SIRPB1: variants seen among roughly 807,000 people sequenced by gnomAD.
SIRPB1 encodes the protein signal-regulatory protein beta-1.
SIRPB1 carries 28 observed loss-of-function variants against 34.1 expected under a neutral mutation model. That is an observed-to-expected ratio of 0.82 (90% CI 0.61 to 1.12). SIRPB1 has a LOEUF of 1.12. Among genes scored for constraint, SIRPB1 ranks in the 50% most tolerant of loss-of-function variants. The probability of loss-of-function intolerance (pLI) is 0.00; values close to 1 mark genes in which losing one functional copy is unlikely to be tolerated. For synonymous variants in SIRPB1, 211 were observed against 203.8 expected (o/e 1.04, Z -0.30); for missense variants, 499 against 507.0 (o/e 0.98, Z 0.15).
At chr20:1,568,984 A>G (rs2091184120) in intron 4 of SIRPB1, among the ~76,000 whole-genome samples, 1 of 152,244 alleles carries the variant, frequency 6.6e-6, no homozygotes. Context: ...CATTTTTAGT[A>G]TCAGGATGAA....
Position 1,565,388 on chromosome 20 carries a change from A to T in SIRPB1, c.*112T>A, listed in dbSNP as rs1308968225. 1.4e-5 allele frequency: 3 copies of T among 207,572 alleles called. No homozygotes were observed. The highest frequency in any genetic ancestry group is 2.9e-5 in the Non-Finnish European group (3 of 105,104). 12.9% of individuals were successfully genotyped at this position (207,572 alleles called of 1,614,324 possible). A position where few individuals can be genotyped will look rare whatever the true frequency, so the allele number is the denominator to read the frequency against. On this transcript the variant is annotated 3_prime_UTR_variant, in exon 6 of 6. Transcript: ENST00000381605. ...GGAACAGGAGCGTGTGGGCAGGCAG[A>T]TGACCTGGGAGAGGAGGCGTTTGGA...
chr20:1,592,131 C>A lies in SIRPB1; in HGVS notation c.77-13437G>T, dbSNP rs1398226665. On this transcript the variant is annotated intron_variant, in intron 1 of 5. Coordinates refer to ENST00000381605, the MANE Select transcript of SIRPB1 (RefSeq NM_006065.5). ...ATGCAGAACTGTGAGTCAATTACACCTCTTTTATTTATAAATTACCCAGTC... is the reference window on the plus strand; with the variant it reads ...ATGCAGAACTGTGAGTCAATTACACATCTTTTATTTATAAATTACCCAGTC... Among the ~76,000 whole-genome samples the A allele has an allele frequency of 8.1e-5, 4 of 49,198 alleles. 2 individuals are homozygous for A. The highest frequency in any genetic ancestry group is 2.7e-4 in the Admixed American group (2 of 7,406). The allele number at this position is 49,198 out of a possible 152,430, so 32.3% of individuals were successfully genotyped here. A position where few individuals can be genotyped will look rare whatever the true frequency, so the allele number is the denominator to read the frequency against.
At chr20:1,578,816 C>A in intron 1 of SIRPB1, 122 bp from the exon 2 acceptor site, 1 of 782,580 alleles carries the variant, frequency 1.3e-6, no homozygotes, top group Non-Finnish European at 2.1e-6. Flanking sequence ...GAGCTCAGCC[C>A]ACTACATGTA....
chr20:1,572,382 C>T (rs1174796653), intron 2 of SIRPB1, among the ~76,000 whole-genome samples: 5 of 151,802 alleles, frequency 3.3e-5, no homozygotes, highest in Admixed American at 6.6e-5. Context: ...TGTCCTCCCC[C>T]GGAAGGCTCA....
At position 1,571,091 on chromosome 20, in the gene SIRPB1, G is replaced by A; in HGVS notation, c.798C>T (p.Asn266=). The A allele has an allele frequency of 1.2e-6, 2 of 1,614,096 alleles. No individual in the cohort carries two copies. Among genetic ancestry groups the A allele is most frequent in the Non-Finnish European group, 1.7e-6 (2 of 1,179,950 alleles). Residue 266 remains asparagine, a synonymous_variant, in exon 4 of 6, where the codon AAC becomes AAT. Coordinates refer to ENST00000381605, the MANE Select transcript of SIRPB1 (RefSeq NM_006065.5). ...TCACCTGGCAGGTGACGTTTGCCTG[G>A]TTCTCTGCCCTCATGGGCTGTTGAG... is the stretch of plus-strand genomic sequence containing the variant. ...EVTQQPMRAE[N]QANVTCQVSN...
At position 1,562,123 on chromosome 20, in the gene SIRPB1, T is replaced by C. The variant is rs1213293149; in HGVS notation, c.*3377A>G. On this transcript the variant is annotated 3_prime_UTR_variant, in exon 6 of 6. Coordinates refer to ENST00000381605, the MANE Select transcript of SIRPB1 (RefSeq NM_006065.5). ...CTTTCAGTTGGTTCCTGCGCCTCTTTGATGTACTCCAGTCACTGTGGGTTT... is the reference window on the plus strand; with the variant it reads ...CTTTCAGTTGGTTCCTGCGCCTCTTCGATGTACTCCAGTCACTGTGGGTTT... Among the ~76,000 whole-genome samples the C allele has an allele frequency of 6.6e-6, 1 of 151,958 alleles. No individual in the cohort carries two copies. The highest frequency in any genetic ancestry group is 1.5e-5 in the Non-Finnish European group (1 of 67,994).
chr20:1,571,323 C>T (rs1176815864), intron 3 of SIRPB1, among the ~76,000 whole-genome samples, 186 bp from the exon 4 acceptor site: 1 of 152,164 alleles, frequency 6.6e-6, no homozygotes, highest in African/African-American at 2.4e-5. Context: ...GTGCCTGGCG[C>T]ACAGTAGGTG....
rs770208809 is a variant in SIRPB1 at position 1,619,938 on chromosome 20, C to T, written c.7G>A (p.Val3Met). The T allele has an allele frequency of 2.7e-5, 43 of 1,613,564 alleles. No homozygotes were observed. Among genetic ancestry groups the T allele is most frequent in the Admixed American group, 2.2e-4 (13 of 59,962 alleles). The change falls in exon 1 of 6, where the codon GTG (valine) becomes ATG (methionine). Residue 3 changes from valine (V) to methionine (M), a missense_variant. Coordinates refer to ENST00000381605, the MANE Select transcript of SIRPB1 (RefSeq NM_006065.5). The part of the protein sequence containing the change: MP[V>M]PASWPHLPSP... ...GGAAGGTGGGGCCAGGAGGCTGGCACGGGCATTCTGGAGACCTTAGGAGCC... is the reference window on the plus strand; with the variant it reads ...GGAAGGTGGGGCCAGGAGGCTGGCATGGGCATTCTGGAGACCTTAGGAGCC...
chr20:1,589,094 G>C (rs2091434332), intron 1 of SIRPB1, among the ~76,000 whole-genome samples: 1 of 48,798 alleles, frequency 2.0e-5, no homozygotes, highest in Non-Finnish European at 3.9e-5. Context: ...GCAACAGGAG[G>C]GATCGCAGGA....
In SIRPB1 at chr20:1,564,760, C is replaced by G. The variant is rs181069766; in HGVS notation, c.*740G>C. On this transcript the variant is annotated 3_prime_UTR_variant, in exon 6 of 6. Transcript: ENST00000381605. ...ATTACACTAGAGAAATTGGCAAGCACTGCAAAACAGCTTTTGGTTTTTCCC... is the reference window on the plus strand; with the variant it reads ...ATTACACTAGAGAAATTGGCAAGCAGTGCAAAACAGCTTTTGGTTTTTCCC... 2.5e-6 allele frequency: 1 copy of G among 396,922 alleles called. No individual in the cohort carries two copies. The highest frequency in any genetic ancestry group is 4.4e-6 in the Non-Finnish European group (1 of 225,564). The allele number at this position is 396,922 out of a possible 1,614,324, so 24.6% of individuals were successfully genotyped here. A position where few individuals can be genotyped will look rare whatever the true frequency, so the allele number is the denominator to read the frequency against.
rs1706834844 is a variant in SIRPB1, at chr20:1,613,144, T to C, written c.76+6725A>G. Among the ~76,000 whole-genome samples the C allele has an allele frequency of 2.7e-5, 2 of 73,458 alleles. 1 individual carries two copies. The highest frequency in any genetic ancestry group is 5.1e-5 in the Non-Finnish European group (2 of 38,876). 48.2% of individuals were successfully genotyped at this position (73,458 alleles called of 152,430 possible). A position where few individuals can be genotyped will look rare whatever the true frequency, so the allele number is the denominator to read the frequency against. On this transcript the variant is annotated intron_variant, in intron 1 of 5. Transcript: ENST00000381605. ...CACTACGTATATGTATATGTGTACG[T>C]ATATGAAAGCATCATGTTTTACACC...
At chr20:1,566,030 G>T (rs895389054) in intron 5 of SIRPB1, 123 bp downstream of exon 5, 2 of 630,176 alleles carry the variant, frequency 3.2e-6, no homozygotes, top group Non-Finnish European at 5.6e-6. Context: ...TATCCTGAGG[G>T]AGCCCTGTCA....
At chr20:1,576,575 G>T (rs1182060254) in intron 2 of SIRPB1, among the ~76,000 whole-genome samples, 1 of 147,994 alleles carries the variant, frequency 6.8e-6, no homozygotes, top group Non-Finnish European at 1.5e-5. Context: ...TGTCCACCCT[G>T]ATGCTAGAGC....
chr20:1,605,464 A>G lies in SIRPB1; in HGVS notation c.76+14405T>C, dbSNP rs1338461789. ...TTTATAGAAGCCAATACAGGGATCA[A>G]TGGCAAAGTGGCACCACCGTGAGAG... On this transcript the variant is annotated intron_variant, in intron 1 of 5. Transcript: ENST00000381605. Among the ~76,000 whole-genome samples, 4 of 48,182 alleles carry G rather than the reference A, an allele frequency of 8.3e-5. 2 individuals carry two copies. Among genetic ancestry groups the G allele is most frequent in the Non-Finnish European group, 1.6e-4 (4 of 25,290 alleles). 31.6% of individuals were successfully genotyped at this position (48,182 alleles called of 152,430 possible). A position where few individuals can be genotyped will look rare whatever the true frequency, so the allele number is the denominator to read the frequency against.
chr20:1,615,053 T>C (rs1369859276), intron 1 of SIRPB1, among the ~76,000 whole-genome samples: 3 of 152,228 alleles, frequency 2.0e-5, no homozygotes, highest in African/African-American at 7.2e-5. Flanking sequence ...GATATGCATA[T>C]TAATGTCACA....
In SIRPB1 at chr20:1,609,375, C is replaced by T. The variant is rs775379399; in HGVS notation, c.76+10494G>A. Reference sequence around the variant, plus strand: ...ATGTACATGAAAGCATCATGTTTTACGCTTTACATATACACATTTTTTTAA... The same window carrying T: ...ATGTACATGAAAGCATCATGTTTTATGCTTTACATATACACATTTTTTTAA... On this transcript the variant is annotated intron_variant, in intron 1 of 5. Transcript: ENST00000381605. Among the ~76,000 whole-genome samples, 4 of 72,558 alleles carry T rather than the reference C, an allele frequency of 5.5e-5. 2 individuals carry two copies. Among genetic ancestry groups the T allele is most frequent in the Admixed American group, 2.2e-4 (2 of 8,956 alleles). The allele number at this position is 72,558 out of a possible 152,430, so 47.6% of individuals were successfully genotyped here.
chr20:1,605,584 C>T lies in SIRPB1; in HGVS notation c.76+14285G>A, dbSNP rs1486866242. ...AGGACGGAGGACGGCGTTTCTACTT[C>T]CTGGGATGTCGCCAGGATTCAATGG... On this transcript the variant is annotated intron_variant, in intron 1 of 5. Transcript: ENST00000381605. 4.1e-5 allele frequency among the ~76,000 whole-genome samples: 2 copies of T among 48,494 alleles called. 1 individual carries two copies. Among genetic ancestry groups the T allele is most frequent in the Non-Finnish European group, 7.8e-5 (2 of 25,536 alleles). 31.8% of individuals were successfully genotyped at this position (48,494 alleles called of 152,430 possible). A position where few individuals can be genotyped will look rare whatever the true frequency, so the allele number is the denominator to read the frequency against.
At chr20:1,619,061 C>G (rs2091671172) in intron 1 of SIRPB1, among the ~76,000 whole-genome samples, 1 of 152,242 alleles carries the variant, frequency 6.6e-6, no homozygotes, top group Non-Finnish European at 1.5e-5. Context: ...CAGACACACA[C>G]AGAGGAAGAT....
At chr20:1,569,809 G>T (rs1280775586) in intron 4 of SIRPB1, among the ~76,000 whole-genome samples, 2 of 152,210 alleles carry the variant, frequency 1.3e-5, no homozygotes, top group Non-Finnish European at 2.9e-5. Context: ...GAAGTTGTGG[G>T]ACCCTGAGAT....
Sources: allele counts gnomAD v4.1 joint callset (sites outside exome capture counted in the v4.1 genomes callset), GRCh38; gene constraint gnomAD v4.1.1; transcripts MANE v1.5; gene names NCBI Gene and HGNC (gene_info 2026-07-23, HGNC 2026-07-21).